The following CCDC30 variants were observed in gnomAD, a reference collection of about 807,000 sequenced individuals.
CCDC30 encodes coiled-coil domain-containing protein 30.
In CCDC30, 70 loss-of-function variants were observed where a neutral mutation model predicts 100.2. That is an observed-to-expected ratio of 0.70 (90% CI 0.58 to 0.85). The LOEUF is 0.85. CCDC30 is among the 40% of genes least tolerant of loss of function. CCDC30 has a pLI of 0.00. For synonymous variants in CCDC30, 233 were observed against 269.5 expected (o/e 0.86, Z 1.33); for missense variants, 652 against 771.2 (o/e 0.85, Z 1.83).
At chr1:42,637,369 A>C in exon 12 of CCDC30, 4 of 1,606,512 alleles carry the variant, frequency 2.5e-6, no homozygotes, top group Non-Finnish European at 3.4e-6. Context: ...TGCAACATAA[A>C]ATAGAAAAGG....
Position 42,650,034 on chromosome 1 carries a change from G to C in CCDC30, c.1855-3342G>C, listed in dbSNP as rs1002910301. ...CCCATACCACCCAAAGCAATCTATA[G>C]GTTCAGTGCAATACCTATCAAAATT... On this transcript the variant is annotated intron_variant, in intron 15 of 16. Transcript: ENST00000668663. Among the ~76,000 whole-genome samples, 9 of 152,196 alleles carry C rather than the reference G, an allele frequency of 5.9e-5. No homozygotes were observed. The South Asian group carries it at 1.5e-3, about 25-fold the overall frequency.
At chr1:42,533,669 A>T (rs138404341) in intron 6 of CCDC30, among the ~76,000 whole-genome samples, 147 of 152,360 alleles carry the variant, frequency 9.6e-4, no homozygotes, top group Non-Finnish European at 1.8e-3. Context: ...CCTACAGGTG[A>T]TGACCAGGCA....
intron 9 of CCDC30, 115 bp downstream of exon 13, chr1:42,581,629 A>C (rs1405594133): frequency 2.4e-5 from 21 of 881,650 alleles, no homozygotes; most frequent in Non-Finnish European, 3.6e-5. Context: ...TCCCCACTGA[A>C]GTAAACTCAG....
intron 1 of CCDC30, among the ~76,000 whole-genome samples, chr1:42,465,249 T>A (rs576565434): frequency 6.6e-6 from 1 of 152,344 alleles, no homozygotes; most frequent in African/African-American, 2.4e-5. Flanking sequence ...AGATCGAGGC[T>A]GCAGTGAGCT....
In CCDC30 at chr1:42,528,183, T is replaced by G. The variant is rs1490868894; in HGVS notation, c.456+29267T>G. Reference sequence around the variant, plus strand: ...GCCCGGCCTCCTCTACCTTTTCTAGTGGCAATGAAGTCTAGAACAAACCAG... The same window carrying G: ...GCCCGGCCTCCTCTACCTTTTCTAGGGGCAATGAAGTCTAGAACAAACCAG... On this transcript the variant is annotated intron_variant, in intron 6 of 16. Transcript: ENST00000668663. Among the ~76,000 whole-genome samples, 4 of 152,294 alleles carry G rather than the reference T, an allele frequency of 2.6e-5. No individual in the cohort carries two copies. In the East Asian group the frequency reaches 5.8e-4, roughly 22 times the overall value.
chr1:42,478,629 T>C (rs1036027754), intron 1 of CCDC30, among the ~76,000 whole-genome samples: 15 of 152,068 alleles, frequency 9.9e-5, no homozygotes, highest in Non-Finnish European at 1.8e-4. Context: ...CATGGTGGCA[T>C]GCACTTGTAG....
intron 6 of CCDC30, among the ~76,000 whole-genome samples, chr1:42,526,011 T>C (rs1644718870): frequency 1.3e-5 from 2 of 151,804 alleles, no homozygotes; most frequent in African/African-American, 4.8e-5. Context: ...TGCAGTTCTT[T>C]TCTCTGTGTG....
At chr1:42,516,523 C>T (rs1035122172) in intron 6 of CCDC30, among the ~76,000 whole-genome samples, 5 of 148,812 alleles carry the variant, frequency 3.4e-5, no homozygotes, top group East Asian at 2.0e-4. Context: ...GCTGGGATTG[C>T]GCCACTGCAC....
At chr1:42,484,545 A>ATTAG (rs1644019083) in intron 3 of CCDC30, among the ~76,000 whole-genome samples, 1 of 152,184 alleles carries the variant, frequency 6.6e-6, no homozygotes, top group Non-Finnish European at 1.5e-5. Context: ...CCATCTCCAC[A>ATTAG]GTGAGTCTAT....
chr1:42,485,910 G>C (rs910148803), intron 3 of CCDC30, among the ~76,000 whole-genome samples: 2 of 152,126 alleles, frequency 1.3e-5, no homozygotes, highest in East Asian at 3.8e-4. Flanking sequence ...AGTTATTAGG[G>C]AAGTGCAAAG....
At chr1:42,584,836 G>T (rs1395005548) in intron 9 of CCDC30, among the ~76,000 whole-genome samples, 2 of 152,082 alleles carry the variant, frequency 1.3e-5, no homozygotes, top group Non-Finnish European at 1.5e-5. Flanking sequence ...TGAAGGTATT[G>T]GTCTGTGGTT....
the CCDC30 span, chr1:42,456,720 G>T: frequency 6.2e-7 from 1 of 1,609,278 alleles, no homozygotes; most frequent in Non-Finnish European, 8.5e-7. Context: ...CTGGAAGCGC[G>T]GCCGGTGCGC....
chr1:42,457,054 C>T, the CCDC30 span: 6 of 1,598,244 alleles, frequency 3.8e-6, no homozygotes, highest in Non-Finnish European at 5.1e-6. Flanking sequence ...AGGCTGCGGC[C>T]CAGGCACTCA....
rs1645851481 is a variant in CCDC30 at position 42,577,000 on chromosome 1, T to TG, written c.637-20_637-19insG. ...ATTCCACACTTATTTGTATTACTCT[T>TG]ACTTATTCTCTACCTCTAGATAAAG... On this transcript the variant is annotated intron_variant, in intron 7 of 16. Transcript: ENST00000668663. 1.9e-6 allele frequency: 3 copies of TG among 1,556,194 alleles called. No individual in the cohort carries two copies. Among genetic ancestry groups the TG allele is most frequent in the Non-Finnish European group, 2.7e-6 (3 of 1,129,352 alleles).
intron 6 of CCDC30, among the ~76,000 whole-genome samples, chr1:42,563,411 A>C (rs920936586): frequency 1.3e-5 from 2 of 152,040 alleles, no homozygotes; most frequent in Admixed American, 1.3e-4. Flanking sequence ...AACATTGAGA[A>C]TACATCGACA....
At chr1:42,459,417 T>C, upstream of CCDC30, 1 of 615,608 alleles carries the variant, frequency 1.6e-6, no homozygotes, top group Non-Finnish European at 2.8e-6. Context: ...CATCCTGGCC[T>C]TCCAAAGTGC....
At chr1:42,457,539 A>C in the CCDC30 span, 1 of 607,900 alleles carries the variant, frequency 1.6e-6, no homozygotes, top group Non-Finnish European at 2.9e-6. Context: ...ACATAATTAC[A>C]ATACAGAGTG....
intron 7 of CCDC30, among the ~76,000 whole-genome samples, chr1:42,566,768 T>A (rs1441414446): frequency 6.6e-6 from 1 of 152,184 alleles, no homozygotes; most frequent in Non-Finnish European, 1.5e-5. Flanking sequence ...TGTCCTGCCC[T>A]GTGTATCACT....
At chr1:42,511,173 G>A (rs774730377) in intron 6 of CCDC30, among the ~76,000 whole-genome samples, 2 of 152,020 alleles carry the variant, frequency 1.3e-5, no homozygotes, top group Non-Finnish European at 2.9e-5. Context: ...CTTGTTAAAT[G>A]TGCCACTCAT....
Sources: gnomAD v4.1 joint callset for allele counts (sites outside exome capture counted in the v4.1 genomes callset) on GRCh38, gnomAD v4.1.1 for gene constraint, MANE v1.5 for transcripts, NCBI Gene and HGNC (gene_info 2026-07-23, HGNC 2026-07-21) for gene names.